Variants in SLC25A18 observed in about 807,000 individuals in gnomAD.
The protein encoded by SLC25A18 is mitochondrial glutamate carrier 2.
SLC25A18 carries 24 observed loss-of-function variants against 31.1 expected under a neutral mutation model. The observed-to-expected ratio is 0.77, with a 90% CI of 0.56 to 1.08. SLC25A18 has a LOEUF of 1.08. Among genes scored for constraint, SLC25A18 ranks in the 50% least tolerant of loss-of-function variants. The pLI is 0.00. For synonymous variants in SLC25A18, 173 were observed against 161.9 expected (o/e 1.07, Z -0.52); for missense variants, 371 against 418.5 (o/e 0.89, Z 0.99).
At chr22:17,568,707 G>A (rs1207613546) in intron 1 of SLC25A18, among the ~76,000 whole-genome samples, 2 of 150,748 alleles carry the variant, frequency 1.3e-5, no homozygotes, top group African/African-American at 2.4e-5. Context: ...GACTACACGC[G>A]CCTGCCACCA....
In SLC25A18 at chr22:17,588,078, T is replaced by C. The variant is rs2057604952; in HGVS notation, c.729T>C (p.Asp243=). 6.2e-7 allele frequency: 1 copy of C among 1,613,928 alleles called. No individual in the cohort carries two copies. The highest frequency in any genetic ancestry group is 1.1e-5 in the South Asian group (1 of 91,036). Residue 243 remains aspartate, a splice_region_variant and synonymous_variant, in exon 9 of 11, where the codon GAT becomes GAC. Transcript: ENST00000327451. ...CTGCGGTCGCAGTGACGCCTCTAGA[T>C]GGTAAGGAGTTGGGAGACGTGTCCT... ...SIAAVAVTPL[D]VLKTRIQTLK...
At chr22:17,583,208 C>T (rs1282252956) in intron 6 of SLC25A18, among the ~76,000 whole-genome samples, 4 of 152,186 alleles carry the variant, frequency 2.6e-5, no homozygotes, top group Admixed American at 6.5e-5. Context: ...AGCTTCCATG[C>T]GGTGCTACCT....
intron 2 of SLC25A18, among the ~76,000 whole-genome samples, chr22:17,576,400 A>C (rs2057231311): frequency 6.6e-6 from 1 of 151,986 alleles, no homozygotes; most frequent in Admixed American, 6.6e-5. Flanking sequence ...TCAGTGCCGG[A>C]ACCAGTAGGA....
chr22:17,577,991 T>C (rs917292479), intron 2 of SLC25A18, among the ~76,000 whole-genome samples: 1 of 149,012 alleles, frequency 6.7e-6, no homozygotes, highest in Non-Finnish European at 1.5e-5. Flanking sequence ...TTTTTTTTTT[T>C]CTTCTTTGGG....
At position 17,581,115 on chromosome 22, in the gene SLC25A18, G is replaced by GGA. The variant is rs1352132390; in HGVS notation, c.99_100insGA (p.Thr34GlufsTer16). The GGA allele has an allele frequency of 6.3e-7, 1 of 1,585,978 alleles. No homozygotes were observed. The highest frequency in any genetic ancestry group is 8.6e-7 in the Non-Finnish European group (1 of 1,165,548). On this transcript the variant is annotated frameshift_variant, in exon 4 of 11. Coordinates refer to ENST00000327451, the MANE Select transcript of SLC25A18 (RefSeq NM_031481.3). LOFTEE classifies it high-confidence loss of function. ...GCGTGTTCCCCATCGACTTGGCCAA[G>GGA]ACTCGCCTGCAGAACCAGCATGGGA... is the stretch of plus-strand genomic sequence containing the variant.
chr22:17,572,258 C>A (rs1260011318), intron 2 of SLC25A18, among the ~76,000 whole-genome samples: 1 of 151,450 alleles, frequency 6.6e-6, no homozygotes, highest in South Asian at 2.1e-4. Context: ...CCAAGGTGGG[C>A]GGATCACCTG....
intron 9 of SLC25A18, 106 bp downstream of exon 9, chr22:17,588,185 C>A: frequency 7.4e-7 from 1 of 1,355,450 alleles, no homozygotes; most frequent in Non-Finnish European, 1.0e-6. Flanking sequence ...AATCTGGCTG[C>A]TGGCGGAGGC....
In SLC25A18 at chr22:17,579,873, C is replaced by T. The variant is rs896797632; in HGVS notation, c.-72C>T. The T allele has an allele frequency of 9.6e-5, 151 of 1,566,164 alleles. No homozygotes were observed. The Middle Eastern group carries it at 2.4e-3, about 25-fold the overall frequency. On this transcript the variant is annotated 5_prime_UTR_variant, in exon 3 of 11. Coordinates refer to ENST00000327451, the MANE Select transcript of SLC25A18 (RefSeq NM_031481.3). Reference sequence around the variant, plus strand: ...GCCAAGGAAGCTTCCACTTCTTCCCCCAGACAGCCCCAACAGCGGCTACCC... The same window carrying T: ...GCCAAGGAAGCTTCCACTTCTTCCCTCAGACAGCCCCAACAGCGGCTACCC...
intron 6 of SLC25A18, 103 bp from the exon 7 acceptor site, chr22:17,583,313 C>T (rs1053067051): frequency 6.8e-7 from 1 of 1,466,534 alleles, no homozygotes; most frequent in Non-Finnish European, 9.3e-7. Flanking sequence ...TGAGTGGCAG[C>T]CACGGGTGCC....
intron 1 of SLC25A18, among the ~76,000 whole-genome samples, chr22:17,567,925 A>G (rs548692882): frequency 6.6e-6 from 1 of 152,068 alleles, no homozygotes; most frequent in African/African-American, 2.4e-5. Flanking sequence ...TTGTCACGAG[A>G]GTATACTGAA....
chr22:17,582,906 A>C (rs1001599093), intron 6 of SLC25A18, among the ~76,000 whole-genome samples: 6 of 152,224 alleles, frequency 3.9e-5, no homozygotes, highest in East Asian at 1.9e-4. Context: ...CTAGCCAATA[A>C]ATTTTTAAAA....
intron 10 of SLC25A18, among the ~76,000 whole-genome samples, 195 bp from the exon 11 acceptor site, chr22:17,589,900 C>G (rs1210679455): frequency 6.6e-6 from 1 of 152,188 alleles, no homozygotes; most frequent in Non-Finnish European, 1.5e-5. Context: ...TTTCCAAGGC[C>G]TTGACCCAAC....
At chr22:17,580,693 A>G (rs1227870026) in intron 3 of SLC25A18, 1 of 1,064,288 alleles carries the variant, frequency 9.4e-7, no homozygotes, top group African/African-American at 1.7e-5. Flanking sequence ...AGAACTGCAC[A>G]CGTGGCTCCA....
rs1049676643 is a variant in SLC25A18 at position 17,590,454 on chromosome 22, T to C, written c.*218T>C. The C allele has an allele frequency of 1.2e-5, 6 of 504,052 alleles. No individual in the cohort carries two copies. The Admixed American group carries it at 1.4e-4, about 11-fold the overall frequency. 31.2% of individuals were successfully genotyped at this position (504,052 alleles called of 1,614,324 possible). ...ACTCGTTTTCCTTTGTGGGCACAGCTACCAGGGGCTTTTGGAAGCCCCTAA... is the reference window on the plus strand; with the variant it reads ...ACTCGTTTTCCTTTGTGGGCACAGCCACCAGGGGCTTTTGGAAGCCCCTAA... On this transcript the variant is annotated 3_prime_UTR_variant, in exon 11 of 11. Transcript: ENST00000327451.
chr22:17,588,087 G>A lies in SLC25A18; in HGVS notation c.730+8G>A, dbSNP rs772784171. 6.2e-7 allele frequency: 1 copy of A among 1,613,896 alleles called. No individual in the cohort carries two copies. The highest frequency in any genetic ancestry group is 1.7e-5 in the Admixed American group (1 of 59,902). ...CAGTGACGCCTCTAGATGGTAAGGA[G>A]TTGGGAGACGTGTCCTTTCTATGGG... On this transcript the variant is annotated splice_region_variant and intron_variant, in intron 9 of 10. Transcript: ENST00000327451.
At chr22:17,584,566 G>T (rs1291770136) in intron 7 of SLC25A18, among the ~76,000 whole-genome samples, 1 of 151,578 alleles carries the variant, frequency 6.6e-6, no homozygotes, top group East Asian at 1.9e-4. Flanking sequence ...GATCACCTGA[G>T]GTCAGGGGTT....
At chr22:17,565,064 T>G (rs932078679) in intron 1 of SLC25A18, among the ~76,000 whole-genome samples, 1 of 151,852 alleles carries the variant, frequency 6.6e-6, no homozygotes, top group Non-Finnish European at 1.5e-5. Context: ...TGCAGACTCA[T>G]TCTGTTTTTG....
chr22:17,581,851 G>T (rs1327940034), intron 5 of SLC25A18: 4 of 177,426 alleles, frequency 2.3e-5, no homozygotes, highest in Non-Finnish European at 4.8e-5. Flanking sequence ...GCCGGAGCTC[G>T]TATGCTTGTG....
At chr22:17,581,327 C>A (rs1029250876) in intron 4 of SLC25A18, 31 bp from the exon 5 acceptor site, 6 of 1,613,414 alleles carry the variant, frequency 3.7e-6, no homozygotes, top group Non-Finnish European at 8.5e-7. Flanking sequence ...GCCCGCTGCA[C>A]ACTTACTCCT....
Sources: allele counts gnomAD v4.1 joint callset (sites outside exome capture counted in the v4.1 genomes callset), GRCh38; gene constraint gnomAD v4.1.1; transcripts MANE v1.5; gene names NCBI Gene and HGNC (gene_info 2026-07-23, HGNC 2026-07-21).